PHF21B: variants seen among roughly 807,000 people sequenced by gnomAD.
The protein encoded by PHF21B is PHD finger protein 21B.
A neutral mutation model predicts 62.2 loss-of-function variants in PHF21B; 22 were observed. The ratio of observed to expected loss-of-function variants is 0.35; its 90% confidence interval spans 0.25 to 0.51. The LOEUF is 0.51. Among genes scored for constraint, PHF21B ranks in the 20% least tolerant of loss-of-function variants. The pLI, the probability that PHF21B is intolerant of heterozygous loss-of-function variation, is 0.97. For synonymous variants in PHF21B, 341 were observed against 314.7 expected (o/e 1.08, Z -0.88); for missense variants, 701 against 707.9 (o/e 0.99, Z 0.11).
In PHF21B at chr22:44,933,551, C is replaced by A. The variant is rs1018825844; in HGVS notation, c.121-13061G>T. ...AACAGACCAGAAGTGAGCATCAGAA[C>A]GTGCTGCCCGCAACTCAACGGAAGT... On this transcript the variant is annotated intron_variant, in intron 2 of 12. Coordinates refer to ENST00000313237, the MANE Select transcript of PHF21B (RefSeq NM_138415.5). 4 of 985,192 alleles carry A rather than the reference C, an allele frequency of 4.1e-6. No individual in the cohort carries two copies. The African/African-American group carries it at 5.2e-5, about 13-fold the overall frequency. 61.0% of individuals were successfully genotyped at this position (985,192 alleles called of 1,614,324 possible).
chr22:44,959,927 A>T lies in PHF21B; in HGVS notation c.121-39437T>A, dbSNP rs572609637. On this transcript the variant is annotated intron_variant, in intron 2 of 12. Coordinates refer to ENST00000313237, the MANE Select transcript of PHF21B (RefSeq NM_138415.5). ...TGAGGCAGCAAAAGTAAGCCTGGCC[A>T]GCTTGTGAGAAGTCAGGGCAGCGCC... is the stretch of plus-strand genomic sequence containing the variant. 8.5e-5 allele frequency among the ~76,000 whole-genome samples: 13 copies of T among 152,348 alleles called. No individual in the cohort carries two copies. In the East Asian group the frequency reaches 2.1e-3, roughly 25 times the overall value.
At chr22:44,942,141 C>T (rs894173424) in intron 2 of PHF21B, among the ~76,000 whole-genome samples, 1 of 152,238 alleles carries the variant, frequency 6.6e-6, no homozygotes, top group East Asian at 1.9e-4. Flanking sequence ...CTTGTCCCAG[C>T]ACCACCAAAG....
intron 3 of PHF21B, among the ~76,000 whole-genome samples, chr22:44,919,738 G>A (rs1030307543): frequency 2.6e-5 from 4 of 152,222 alleles, no homozygotes; most frequent in African/African-American, 7.2e-5. Flanking sequence ...ACTACCTGGC[G>A]TTTGCTCTGT....
chr22:44,957,690 T>C (rs1345185964), intron 2 of PHF21B, among the ~76,000 whole-genome samples: 3 of 152,192 alleles, frequency 2.0e-5, no homozygotes, highest in Admixed American at 6.5e-5. Flanking sequence ...CAGTTCCCTG[T>C]TGCTAACCTA....
chr22:45,002,322 C>T (rs1007171257), intron 2 of PHF21B, among the ~76,000 whole-genome samples: 2 of 152,138 alleles, frequency 1.3e-5, no homozygotes, highest in African/African-American at 2.4e-5. Context: ...TATGTACATA[C>T]ACACACACCA....
chr22:44,925,481 G>C (rs1229477956), intron 2 of PHF21B, among the ~76,000 whole-genome samples: 1 of 152,154 alleles, frequency 6.6e-6, no homozygotes, highest in African/African-American at 2.4e-5. Context: ...GTCCCATGGG[G>C]GTCAAAACTC....
At chr22:44,902,257 C>T (rs534117256) in intron 5 of PHF21B, 19 of 229,756 alleles carry the variant, frequency 8.3e-5, no homozygotes, top group Admixed American at 1.5e-4. Flanking sequence ...GTGAGCTCTT[C>T]GACACACAAA....
intron 2 of PHF21B, among the ~76,000 whole-genome samples, chr22:44,986,861 TG>T (rs947436635): frequency 2.4e-5 from 3 of 126,330 alleles, no homozygotes; most frequent in African/African-American, 9.2e-5. Context: ...GTCCTGGAGG[TG>T]GGGGGAAGGC....
chr22:45,006,409 G>T (rs946075308), intron 2 of PHF21B, among the ~76,000 whole-genome samples: 2 of 152,150 alleles, frequency 1.3e-5, no homozygotes, highest in African/African-American at 4.8e-5. Flanking sequence ...AGGTCAGTTC[G>T]CAAGCAAGCC....
intron 2 of PHF21B, among the ~76,000 whole-genome samples, chr22:44,951,210 G>A (rs1049710756): frequency 1.3e-5 from 2 of 152,124 alleles, no homozygotes; most frequent in Admixed American, 6.6e-5. Flanking sequence ...ATTTGCAGCC[G>A]TGCTCCAGTG....
chr22:44,925,211 A>G (rs1279407364), intron 2 of PHF21B, among the ~76,000 whole-genome samples: 1 of 152,194 alleles, frequency 6.6e-6, no homozygotes, highest in East Asian at 1.9e-4. Flanking sequence ...TGTGTTCACG[A>G]TCTTCATTGT....
intron 2 of PHF21B, among the ~76,000 whole-genome samples, chr22:44,956,874 C>T (rs1035120929): frequency 2.6e-5 from 4 of 152,336 alleles, no homozygotes; most frequent in South Asian, 2.1e-4. Context: ...AGCTGTACCC[C>T]AGATGCTCAG....
intron 11 of PHF21B, 124 bp downstream of exon 11, chr22:44,885,739 T>C: frequency 8.7e-7 from 1 of 1,152,744 alleles, no homozygotes; most frequent in Middle Eastern, 2.4e-4. Context: ...ATCCCACTTT[T>C]CAGTGCTCTG....
At chr22:44,930,617 T>C (rs2071722594) in intron 2 of PHF21B, among the ~76,000 whole-genome samples, 1 of 152,112 alleles carries the variant, frequency 6.6e-6, no homozygotes, top group South Asian at 2.1e-4. Context: ...CTCAGAGCAC[T>C]GGAGGCTACA....
chr22:44,956,871 C>A (rs1325603715), intron 2 of PHF21B, among the ~76,000 whole-genome samples: 1 of 152,202 alleles, frequency 6.6e-6, no homozygotes, highest in Non-Finnish European at 1.5e-5. Flanking sequence ...CAAAGCTGTA[C>A]CCCAGATGCT....
chr22:44,916,432 C>A lies in PHF21B; in HGVS notation c.412G>T (p.Ala138Ser). ...GCACTGCTCAGCGGAGAGGCGAGGG[C>A]GGCGGGCTCGGCGAGGGCCTGGGGC... ...SQPQALAEPA[A>S]LASPLSSAGV... Residue 138 changes from alanine (A) to serine (S), a missense_variant, in exon 4 of 13, where the codon GCC becomes TCC. Coordinates refer to ENST00000313237, the MANE Select transcript of PHF21B (RefSeq NM_138415.5). 1.3e-6 allele frequency: 2 copies of A among 1,596,048 alleles called. No homozygotes were observed. Among genetic ancestry groups the A allele is most frequent in the South Asian group, 2.2e-5 (2 of 90,296 alleles).
chr22:44,955,507 C>T (rs749477160), intron 2 of PHF21B, among the ~76,000 whole-genome samples: 2 of 152,186 alleles, frequency 1.3e-5, no homozygotes, highest in Non-Finnish European at 2.9e-5. Flanking sequence ...AGAGAATCCG[C>T]GCCACCAATT....
intron 12 of PHF21B, among the ~76,000 whole-genome samples, chr22:44,883,753 G>A (rs1405259548): frequency 2.6e-5 from 4 of 152,144 alleles, no homozygotes; most frequent in Admixed American, 1.3e-4. Flanking sequence ...AAGGACTGAT[G>A]CCTACAGTCC....
chr22:44,944,632 G>C (rs1407976646), intron 2 of PHF21B, among the ~76,000 whole-genome samples: 1 of 152,176 alleles, frequency 6.6e-6, no homozygotes, highest in Admixed American at 6.6e-5. Context: ...GCATCACAGG[G>C]CCACGCTGGC....
Sources: gnomAD v4.1 joint callset for allele counts (sites outside exome capture counted in the v4.1 genomes callset) on GRCh38, gnomAD v4.1.1 for gene constraint, MANE v1.5 for transcripts, NCBI Gene and HGNC (gene_info 2026-07-23, HGNC 2026-07-21) for gene names.